Variants in PPP1R3A observed in about 807,000 individuals in gnomAD.
The protein encoded by PPP1R3A is protein phosphatase 1 regulatory subunit 3A.
A neutral mutation model predicts 41.7 loss-of-function variants in PPP1R3A; 29 were observed. That is an observed-to-expected ratio of 0.70 (90% CI 0.52 to 0.95). PPP1R3A has a LOEUF of 0.95. Among genes scored for constraint, PPP1R3A ranks in the 40% least tolerant of loss-of-function variants. The pLI is 0.00. For synonymous variants in PPP1R3A, 485 were observed against 453.4 expected (o/e 1.07, Z -0.89); for missense variants, 1,352 against 1,292.4 (o/e 1.05, Z -0.71).
chr7:113,904,110 G>A (rs1797107769), intron 1 of PPP1R3A, among the ~76,000 whole-genome samples: 1 of 151,642 alleles, frequency 6.6e-6, no homozygotes, highest in Non-Finnish European at 1.5e-5. Flanking sequence ...CTTCTCATGT[G>A]TACAAATATT....
chr7:113,888,973 A>T (rs1796833504), intron 1 of PPP1R3A, among the ~76,000 whole-genome samples: 1 of 152,182 alleles, frequency 6.6e-6, no homozygotes, highest in Non-Finnish European at 1.5e-5. Flanking sequence ...TAGATCTCAA[A>T]TATAACAATA....
At chr7:113,892,915 C>T (rs997037749) in intron 1 of PPP1R3A, among the ~76,000 whole-genome samples, 2 of 152,024 alleles carry the variant, frequency 1.3e-5, no homozygotes, top group African/African-American at 4.8e-5. Flanking sequence ...TTTTGACCGA[C>T]ACATTGTTTT....
At chr7:113,908,650 A>AT (rs1378516069) in intron 1 of PPP1R3A, among the ~76,000 whole-genome samples, 1 of 151,900 alleles carries the variant, frequency 6.6e-6, no homozygotes, top group East Asian at 1.9e-4. Context: ...ACTGCATTTT[A>AT]TTTTTATAAA....
At chr7:113,897,685 A>C (rs967419832) in intron 1 of PPP1R3A, among the ~76,000 whole-genome samples, 1 of 151,878 alleles carries the variant, frequency 6.6e-6, no homozygotes, top group East Asian at 1.9e-4. Context: ...GGATGAGCTT[A>C]TAAGTGCCAA....
chr7:113,915,192 A>G (rs1165470008), intron 1 of PPP1R3A, among the ~76,000 whole-genome samples: 1 of 152,086 alleles, frequency 6.6e-6, no homozygotes, highest in Non-Finnish European at 1.5e-5. Flanking sequence ...GCATCAAAAG[A>G]AAATAGACAA....
chr7:113,879,156 G>C lies in PPP1R3A; in HGVS notation c.1936C>G (p.Gln646Glu). Residue 646 changes from glutamine (Q) to glutamate (E), a missense_variant, in exon 4 of 4, where the codon CAG becomes GAG. Physicochemically the swap from Gln to Glu is conservative, Grantham distance 29. Coordinates refer to ENST00000284601, the MANE Select transcript of PPP1R3A (RefSeq NM_002711.4). ...EKSGGINSEDQDNSPQHKQSW... is the reference protein window; with the variant it reads ...EKSGGINSEDEDNSPQHKQSW... ...TGTTTATGCTGTGGGCTATTATCCT[G>C]ATCTTCAGAATTAATCCCACCTGAT... is the stretch of plus-strand genomic sequence containing the variant. 1 of 1,613,598 alleles carries C rather than the reference G, an allele frequency of 6.2e-7. No individual in the cohort carries two copies. The highest frequency in any genetic ancestry group is 8.5e-7 in the Non-Finnish European group (1 of 1,179,768).
intron 1 of PPP1R3A, among the ~76,000 whole-genome samples, chr7:113,891,084 C>CAA (rs11342726): frequency 0.048 from 3,835 of 79,516 alleles, 304 homozygotes; most frequent in African/African-American, 0.075. Flanking sequence ...GGAAAAAAAG[C>CAA]AAAAAAAAAA....
intron 1 of PPP1R3A, among the ~76,000 whole-genome samples, chr7:113,885,728 C>G (rs1268486500): frequency 2.0e-5 from 3 of 150,844 alleles, no homozygotes; most frequent in African/African-American, 4.9e-5. Context: ...ATGAACCGTT[C>G]CAAAGTATAA....
rs553194697 is a variant in PPP1R3A, at chr7:113,877,701, A to T, written c.*22T>A. 2.0e-6 allele frequency: 3 copies of T among 1,521,650 alleles called. No individual in the cohort carries two copies. Among genetic ancestry groups the T allele is most frequent in the South Asian group, 2.7e-5 (2 of 73,994 alleles). 94.3% of individuals were successfully genotyped at this position (1,521,650 alleles called of 1,614,324 possible). On this transcript the variant is annotated 3_prime_UTR_variant, in exon 4 of 4. Coordinates refer to ENST00000284601, the MANE Select transcript of PPP1R3A (RefSeq NM_002711.4). ...TTGGGGTTAAATAGCTTATCTTTTAAGAGAGAATAGTAGTGCTGAGGTTAC... is the reference window on the plus strand; with the variant it reads ...TTGGGGTTAAATAGCTTATCTTTTATGAGAGAATAGTAGTGCTGAGGTTAC...
chr7:113,917,649 T>C (rs1797363027), intron 1 of PPP1R3A, among the ~76,000 whole-genome samples: 2 of 152,224 alleles, frequency 1.3e-5, no homozygotes, highest in South Asian at 4.1e-4. Context: ...ACTGATATAC[T>C]TATGTCTTTC....
In PPP1R3A at chr7:113,878,300, G is replaced by T. The variant is rs35449651; in HGVS notation, c.2792C>A (p.Ala931Glu). 3,051 of 1,613,136 alleles carry T rather than the reference G, an allele frequency of 1.9e-3. 2 individuals carry two copies. Among genetic ancestry groups the T allele is most frequent in the Middle Eastern group, 4.3e-3 (26 of 6,056 alleles). The part of the protein sequence containing the change: ...TEISVSTNEQ[A>E]IAVENAVTTM... ...AGTAACTGCATTCTCTACAGCAATT[G>T]CCTGCTCATTAGTTGACACTGAAAT... Residue 931 changes from alanine (A) to glutamate (E), a missense_variant, in exon 4 of 4, where the codon GCA becomes GAA. Physicochemically the swap from Ala to Glu is moderately radical, Grantham distance 107. Coordinates refer to ENST00000284601, the MANE Select transcript of PPP1R3A (RefSeq NM_002711.4).
At chr7:113,902,639 C>T (rs1797085336) in intron 1 of PPP1R3A, among the ~76,000 whole-genome samples, 1 of 151,812 alleles carries the variant, frequency 6.6e-6, no homozygotes, top group Non-Finnish European at 1.5e-5. Flanking sequence ...GTTCCTTCAG[C>T]ATAGAACAGA....
chr7:113,892,677 C>A (rs1190248335), intron 1 of PPP1R3A, among the ~76,000 whole-genome samples: 7 of 151,866 alleles, frequency 4.6e-5, no homozygotes, highest in African/African-American at 1.7e-4. Context: ...ATTTAAGGAA[C>A]TATGCAGAAG....
chr7:113,891,084 C>CAAAAAAAAAAA lies in PPP1R3A; in HGVS notation c.783-8775_783-8765dup, dbSNP rs11342726. On this transcript the variant is annotated intron_variant, in intron 1 of 3. Transcript: ENST00000284601. ...GGGTCAATATGTGGTGGAAAAAAAG[C>CAAAAAAAAAAA]AAAAAAAAAAAAAAAAAAAAAAAAA... Among the ~76,000 whole-genome samples the CAAAAAAAAAAA allele has an allele frequency of 1.4e-4, 11 of 79,790 alleles. 1 individual carries two copies. Among genetic ancestry groups the CAAAAAAAAAAA allele is most frequent in the African/African-American group, 4.7e-4 (9 of 19,308 alleles). The allele number at this position is 79,790 out of a possible 152,430, so 52.3% of individuals were successfully genotyped here.
At chr7:113,914,957 T>C (rs1206445412) in intron 1 of PPP1R3A, among the ~76,000 whole-genome samples, 1 of 152,108 alleles carries the variant, frequency 6.6e-6, no homozygotes, top group Non-Finnish European at 1.5e-5. Context: ...GTGATTTATA[T>C]CAATGTCATT....
intron 1 of PPP1R3A, among the ~76,000 whole-genome samples, chr7:113,890,800 T>C (rs1796867591): frequency 6.6e-6 from 1 of 151,968 alleles, no homozygotes; most frequent in Non-Finnish European, 1.5e-5. Flanking sequence ...TATTAATCAT[T>C]CAAAAATGTG....
Position 113,918,582 on chromosome 7 carries a change from A to T in PPP1R3A, c.415T>A (p.Ser139Thr). ...CGAATAATACCCTTGATACTTGTAG[A>T]CCCAAGAAGAGACTCAGTTGACTCC... The part of the protein sequence containing the change: ...ILESTESLLG[S>T]TSIKGIIRVL... The change falls in exon 1 of 4, where the codon TCT becomes ACT. Residue 139 changes from serine (S) to threonine (T), a missense_variant. Coordinates refer to ENST00000284601, the MANE Select transcript of PPP1R3A (RefSeq NM_002711.4). 1 of 1,613,466 alleles carries T rather than the reference A, an allele frequency of 6.2e-7. No individual in the cohort carries two copies. Among genetic ancestry groups the T allele is most frequent in the Non-Finnish European group, 8.5e-7 (1 of 1,179,616 alleles).
In PPP1R3A at chr7:113,880,131, G is replaced by A; in HGVS notation, c.967-6C>T. ...CTTATTAAGTGTTGATTTATCTTAT[G>A]GGATAAAAACAACAAAGAAATAATG... On this transcript the variant is annotated splice_region_variant and splice_polypyrimidine_tract_variant and intron_variant, in intron 3 of 3. Transcript: ENST00000284601. The A allele has an allele frequency of 6.3e-7, 1 of 1,579,518 alleles. No individual in the cohort carries two copies. Among genetic ancestry groups the A allele is most frequent in the Middle Eastern group, 1.7e-4 (1 of 5,954 alleles).
intron 3 of PPP1R3A, 149 bp from the exon 4 acceptor site, chr7:113,880,274 G>T: frequency 1.2e-6 from 1 of 843,562 alleles, no homozygotes; most frequent in Non-Finnish European, 1.8e-6. Flanking sequence ...AACTCTGGAA[G>T]CCAGATGTTT....
Sources: allele counts gnomAD v4.1 joint callset (sites outside exome capture counted in the v4.1 genomes callset), GRCh38; gene constraint gnomAD v4.1.1; transcripts MANE v1.5; gene names NCBI Gene and HGNC (gene_info 2026-07-23, HGNC 2026-07-21).